FGGY: variants seen among roughly 807,000 people sequenced by gnomAD.
The protein encoded by FGGY is FGGY carbohydrate kinase domain-containing protein.
A neutral mutation model predicts 71.3 loss-of-function variants in FGGY; 72 were observed. The observed-to-expected ratio is 1.01, with a 90% CI of 0.84 to 1.23. The LOEUF (loss-of-function observed/expected upper bound fraction) is 1.23, where lower values mean the gene tolerates loss of function less well. Among genes scored for constraint, FGGY ranks in the 50% most tolerant of loss-of-function variants. The pLI is 0.00. For synonymous variants in FGGY, 251 were observed against 250.3 expected (o/e 1.00, Z -0.02); for missense variants, 668 against 682.3 (o/e 0.98, Z 0.23).
chr1:59,423,182 T>A (rs1474161773), intron 5 of FGGY, among the ~76,000 whole-genome samples: 1 of 152,234 alleles, frequency 6.6e-6, no homozygotes, highest in Non-Finnish European at 1.5e-5. Flanking sequence ...TGTTTTTCTC[T>A]GTCCAATACT....
intron 7 of FGGY, among the ~76,000 whole-genome samples, chr1:59,516,046 GACTT>G (rs2094639234): frequency 6.6e-6 from 1 of 152,094 alleles, no homozygotes; most frequent in South Asian, 2.1e-4. Flanking sequence ...GGTTGATACA[GACTT>G]ACTTAATATA....
At chr1:59,616,577 C>G (rs936477071) in intron 9 of FGGY, among the ~76,000 whole-genome samples, 1 of 152,042 alleles carries the variant, frequency 6.6e-6, no homozygotes, top group South Asian at 2.1e-4. Flanking sequence ...CACATGTATA[C>G]ATATGTAACA....
intron 14 of FGGY, among the ~76,000 whole-genome samples, chr1:59,732,210 G>T (rs1451491354): frequency 6.6e-6 from 1 of 152,104 alleles, no homozygotes; most frequent in Non-Finnish European, 1.5e-5. Context: ...TTTGACCAGA[G>T]AATTTTACTT....
intron 8 of FGGY, among the ~76,000 whole-genome samples, chr1:59,607,209 A>G (rs1421428751): frequency 3.3e-5 from 5 of 152,216 alleles, no homozygotes; most frequent in East Asian, 1.9e-4. Flanking sequence ...GTTCTTTCAT[A>G]TATGTGGGAC....
intron 7 of FGGY, among the ~76,000 whole-genome samples, chr1:59,547,343 A>G (rs1415682986): frequency 6.6e-6 from 1 of 152,136 alleles, no homozygotes; most frequent in Admixed American, 6.5e-5. Context: ...AAGTCCTGAA[A>G]GAGATCTGAG....
intron 14 of FGGY, among the ~76,000 whole-genome samples, chr1:59,703,249 G>T (rs2097725341): frequency 6.6e-6 from 1 of 152,154 alleles, no homozygotes; most frequent in African/African-American, 2.4e-5. Flanking sequence ...GGATACAGGG[G>T]TAAATAGGAT....
intron 14 of FGGY, among the ~76,000 whole-genome samples, chr1:59,679,346 C>T (rs915661234): frequency 1.3e-5 from 2 of 151,612 alleles, no homozygotes; most frequent in African/African-American, 4.9e-5. Flanking sequence ...CTTTCTGTCA[C>T]GATAAATAAC....
chr1:59,319,487 A>G (rs1358411212), intron 1 of FGGY, among the ~76,000 whole-genome samples: 1 of 152,194 alleles, frequency 6.6e-6, no homozygotes, highest in African/African-American at 2.4e-5. Flanking sequence ...GAAAGCAGGG[A>G]GAAGATACCA....
At chr1:59,613,000 G>C (rs1250402963) in intron 9 of FGGY, among the ~76,000 whole-genome samples, 1 of 152,150 alleles carries the variant, frequency 6.6e-6, no homozygotes, top group African/African-American at 2.4e-5. Flanking sequence ...CATAAAGCAA[G>C]TCCTTAGAGA....
At chr1:59,573,276 A>G (rs1369947939) in intron 8 of FGGY, among the ~76,000 whole-genome samples, 2 of 152,202 alleles carry the variant, frequency 1.3e-5, no homozygotes. Flanking sequence ...TAGATTAGAT[A>G]ATAGAATTGT....
chr1:59,377,722 T>C (rs1470738376), intron 4 of FGGY, among the ~76,000 whole-genome samples: 1 of 151,960 alleles, frequency 6.6e-6, no homozygotes, highest in African/African-American at 2.4e-5. Context: ...GGAAACCCCC[T>C]CAAGGAATGG....
Position 59,641,226 on chromosome 1 carries a change from C to T in FGGY, c.1221+2851C>T, listed in dbSNP as rs1403369703. ...TCATTGTCTAACCAATGATAGATTG[C>T]CTTTAGCATTTTATCTTAATAATAA... On this transcript the variant is annotated intron_variant, in intron 11 of 15. Transcript: ENST00000303721. 8 of 1,396,724 alleles carry T rather than the reference C, an allele frequency of 5.7e-6. No homozygotes were observed. In the South Asian group the frequency reaches 8.7e-5, roughly 15 times the overall value. The allele number at this position is 1,396,724 out of a possible 1,614,324, so 86.5% of individuals were successfully genotyped here. A position where few individuals can be genotyped will look rare whatever the true frequency, so the allele number is the denominator to read the frequency against.
At chr1:59,568,334 T>C (rs2095912214) in intron 8 of FGGY, among the ~76,000 whole-genome samples, 1 of 152,114 alleles carries the variant, frequency 6.6e-6, no homozygotes, top group Non-Finnish European at 1.5e-5. Context: ...CCTTTGGGCA[T>C]GTTGTTTTCC....
chr1:59,601,725 A>G (rs2096580124), intron 8 of FGGY, among the ~76,000 whole-genome samples: 1 of 152,170 alleles, frequency 6.6e-6, no homozygotes, highest in Admixed American at 6.5e-5. Context: ...AGACTACATC[A>G]CTTATTGGCT....
chr1:59,459,454 T>C (rs1164214029), intron 6 of FGGY, among the ~76,000 whole-genome samples: 1 of 152,174 alleles, frequency 6.6e-6, no homozygotes, highest in African/African-American at 2.4e-5. Context: ...TTCTTTACAA[T>C]TGAATAGAAA....
At chr1:59,751,625 G>A (rs891178077) in intron 14 of FGGY, among the ~76,000 whole-genome samples, 3 of 152,102 alleles carry the variant, frequency 2.0e-5, no homozygotes, top group Non-Finnish European at 4.4e-5. Flanking sequence ...AATGATTTTT[G>A]ATGATTTTTA....
rs2050372016 is a variant in FGGY at position 59,340,135 on chromosome 1, G to A, written c.313+66G>A. 1.3e-5 allele frequency: 15 copies of A among 1,133,704 alleles called. No homozygotes were observed. The South Asian group carries it at 1.9e-4, about 15-fold the overall frequency. 70.2% of individuals were successfully genotyped at this position (1,133,704 alleles called of 1,614,324 possible). ...TGGCTGATTAATCCAATGGGCCCAG[G>A]TGGAACAGGAGGGCAGGCGTCTCTT... On this transcript the variant is annotated intron_variant, in intron 3 of 15. Transcript: ENST00000303721.
At chr1:59,336,227 A>G (rs762283785) in intron 2 of FGGY, among the ~76,000 whole-genome samples, 9 of 152,090 alleles carry the variant, frequency 5.9e-5, no homozygotes, top group Non-Finnish European at 1.2e-4. Flanking sequence ...ATCACTGTCA[A>G]ATAGTCTGTC....
chr1:59,448,471 A>G lies in FGGY; in HGVS notation c.555-8490A>G, dbSNP rs867192467. Among the ~76,000 whole-genome samples, 5 of 152,252 alleles carry G rather than the reference A, an allele frequency of 3.3e-5. No homozygotes were observed. The Middle Eastern group carries it at 0.01, about 313-fold the overall frequency. On this transcript the variant is annotated intron_variant, in intron 5 of 15. Coordinates refer to ENST00000303721, the MANE Select transcript of FGGY (RefSeq NM_018291.5). ...TCCATTGAGGTTAATGGTCTATGCA[A>G]GGAACCCAGTGTTCTGCTTCATGCA... is the stretch of plus-strand genomic sequence containing the variant.
Sources: gnomAD v4.1 joint callset for allele counts (sites outside exome capture counted in the v4.1 genomes callset) on GRCh38, gnomAD v4.1.1 for gene constraint, MANE v1.5 for transcripts, NCBI Gene and HGNC (gene_info 2026-07-23, HGNC 2026-07-21) for gene names.